Variants in CHRNB3 observed in about 807,000 individuals in gnomAD.
CHRNB3 encodes the protein cholinergic receptor nicotinic beta 3 subunit.
Under a neutral mutation model 40.6 loss-of-function variants are expected in CHRNB3, and 37 were observed. The observed-to-expected ratio is 0.91, with a 90% CI of 0.70 to 1.20. CHRNB3 has a LOEUF of 1.20. CHRNB3 is among the 50% of genes most tolerant of loss of function. The probability of loss-of-function intolerance (pLI) is 0.00; values close to 1 mark genes in which losing one functional copy is unlikely to be tolerated. For synonymous variants in CHRNB3, 207 were observed against 207.1 expected, an observed-to-expected ratio of 1.00 and a Z score of 0.00; for missense variants, 505 against 551.2, an observed-to-expected ratio of 0.92 and a Z score of 0.84.
intron 1 of CHRNB3, among the ~76,000 whole-genome samples, chr8:42,702,893 T>C (rs1028874781): frequency 6.6e-6 from 1 of 152,134 alleles, no homozygotes; most frequent in African/African-American, 2.4e-5. Flanking sequence ...GTATATCGAA[T>C]TGAATTTTTG....
At chr8:42,707,835 C>T (rs1334906605) in intron 1 of CHRNB3, among the ~76,000 whole-genome samples, 2 of 152,366 alleles carry the variant, frequency 1.3e-5, no homozygotes, top group East Asian at 1.9e-4. Context: ...CATGTGCCGA[C>T]TCTGACATCT....
Position 42,736,737 on chromosome 8 carries a change from T to C in CHRNB3, c.*119T>C. The stretch of plus-strand genomic sequence containing the variant: ...CCCGAATGCGTTGTCTTTGTGGAAA[T>C]GGAACATCTCCTCATGGGAGAAACT... On this transcript the variant is annotated 3_prime_UTR_variant, in exon 6 of 6. Transcript: ENST00000289957. 4 of 1,197,248 alleles carry C rather than the reference T, an allele frequency of 3.3e-6. No individual in the cohort carries two copies. The South Asian group carries it at 5.5e-5, about 17-fold the overall frequency. The allele number at this position is 1,197,248 out of a possible 1,614,324, so 74.2% of individuals were successfully genotyped here. A position where few individuals can be genotyped will look rare whatever the true frequency, so the allele number is the denominator to read the frequency against.
At chr8:42,723,463 A>G (rs1047459859) in intron 3 of CHRNB3, among the ~76,000 whole-genome samples, 58 of 152,170 alleles carry the variant, frequency 3.8e-4, no homozygotes, top group African/African-American at 1.4e-3. Context: ...AAAGCTTTCT[A>G]GAAACAAATG....
chr8:42,698,565 T>A (rs1246896854), intron 1 of CHRNB3, among the ~76,000 whole-genome samples: 1 of 152,190 alleles, frequency 6.6e-6, no homozygotes, highest in African/African-American at 2.4e-5. Context: ...CTGAACATTA[T>A]CCTGTTGTCA....
chr8:42,723,810 T>C (rs988908035), intron 3 of CHRNB3, among the ~76,000 whole-genome samples: 3 of 152,146 alleles, frequency 2.0e-5, no homozygotes, highest in African/African-American at 7.2e-5. Context: ...TTTAGTCCGG[T>C]TGTGGTGGCT....
intron 3 of CHRNB3, among the ~76,000 whole-genome samples, chr8:42,723,333 G>GT (rs879353675): frequency 5.3e-5 from 8 of 151,636 alleles, no homozygotes; most frequent in African/African-American, 1.5e-4. Flanking sequence ...TTCTATCATT[G>GT]TTTTTTTTGT....
At position 42,725,812 on chromosome 8, in the gene CHRNB3, T is replaced by C. The variant is rs1446079325; in HGVS notation, c.250-4782T>C. Reference sequence around the variant, plus strand: ...GACAGACTTCAGATTTGGAAATCCCTAGGTCACATAAGTTTCCACTATACG... The same window carrying C: ...GACAGACTTCAGATTTGGAAATCCCCAGGTCACATAAGTTTCCACTATACG... On this transcript the variant is annotated intron_variant, in intron 3 of 5. Coordinates refer to ENST00000289957, the MANE Select transcript of CHRNB3 (RefSeq NM_000749.5). 32 of 853,738 alleles carry C rather than the reference T, an allele frequency of 3.7e-5. 1 individual carries two copies. The African/African-American group carries it at 4.0e-4, about 11-fold the overall frequency. 52.9% of individuals were successfully genotyped at this position (853,738 alleles called of 1,614,324 possible).
intron 1 of CHRNB3, among the ~76,000 whole-genome samples, chr8:42,701,011 T>C (rs139840204): frequency 0.011 from 1,709 of 151,522 alleles, 37 homozygotes; most frequent in African/African-American, 0.04. Flanking sequence ...ATGCAGATCA[T>C]GAAGTCAGGA....
chr8:42,702,075 G>A (rs978953704), intron 1 of CHRNB3, among the ~76,000 whole-genome samples: 1 of 152,048 alleles, frequency 6.6e-6, no homozygotes, highest in Non-Finnish European at 1.5e-5. Context: ...CTTCGGAAAG[G>A]GAATCAGCCT....
At chr8:42,723,332 TG>T (rs1816252920) in intron 3 of CHRNB3, among the ~76,000 whole-genome samples, 1 of 152,166 alleles carries the variant, frequency 6.6e-6, no homozygotes, top group African/African-American at 2.4e-5. Context: ...GTTCTATCAT[TG>T]TTTTTTTTGT....
chr8:42,703,435 A>AAAAAAAAAAATAT lies in CHRNB3; in HGVS notation c.53-5281_53-5280insAAAAAAAAATATA. Among the ~76,000 whole-genome samples the AAAAAAAAAAATAT allele has an allele frequency of 5.5e-4, 26 of 47,402 alleles. 5 individuals are homozygous for AAAAAAAAAAATAT. The East Asian group carries it at 6.8e-3, about 12-fold the overall frequency. 31.1% of individuals were successfully genotyped at this position (47,402 alleles called of 152,430 possible). A position where few individuals can be genotyped will look rare whatever the true frequency, so the allele number is the denominator to read the frequency against. On this transcript the variant is annotated intron_variant, in intron 1 of 5. Coordinates refer to ENST00000289957, the MANE Select transcript of CHRNB3 (RefSeq NM_000749.5). ...CAAGACTTCGTCTAAAAAAAAAAAA[A>AAAAAAAAAAATAT]ATATTTATATATATATATATATATA...
chr8:42,710,290 C>T lies in CHRNB3; in HGVS notation c.205-100C>T, dbSNP rs1033468302. The T allele has an allele frequency of 7.6e-6, 7 of 925,696 alleles. No homozygotes were observed. In the East Asian group the frequency reaches 1.9e-4, roughly 25 times the overall value. 57.3% of individuals were successfully genotyped at this position (925,696 alleles called of 1,614,324 possible). On this transcript the variant is annotated intron_variant, in intron 2 of 5. Coordinates refer to ENST00000289957, the MANE Select transcript of CHRNB3 (RefSeq NM_000749.5). ...CTATGGTGGCACCACTGCACTCCAG[C>T]CTGGGCAACATCTTGAGATCCCATT...
chr8:42,700,571 C>T (rs956997463), intron 1 of CHRNB3, among the ~76,000 whole-genome samples: 3 of 152,108 alleles, frequency 2.0e-5, no homozygotes, highest in Admixed American at 6.5e-5. Flanking sequence ...CCACCCGCTC[C>T]GGCCTCCCAA....
chr8:42,723,341 TG>T, intron 3 of CHRNB3, among the ~76,000 whole-genome samples: 1 of 152,306 alleles, frequency 6.6e-6, no homozygotes, highest in African/African-American at 2.4e-5. Flanking sequence ...TTGTTTTTTT[TG>T]TTTTCTCTCT....
intron 5 of CHRNB3, among the ~76,000 whole-genome samples, chr8:42,733,353 G>C (rs1211239342): frequency 6.6e-6 from 1 of 151,996 alleles, no homozygotes; most frequent in East Asian, 1.9e-4. Flanking sequence ...CGTGGGAAGA[G>C]TGTGAATTTC....
intron 3 of CHRNB3, among the ~76,000 whole-genome samples, chr8:42,727,351 C>T (rs561000292): frequency 2.3e-5 from 3 of 130,558 alleles, no homozygotes; most frequent in Admixed American, 8.9e-5. Context: ...CCAGCCTGGG[C>T]GATAGAGTGA....
At chr8:42,730,226 C>A (rs1272213485) in intron 3 of CHRNB3, among the ~76,000 whole-genome samples, 2 of 152,152 alleles carry the variant, frequency 1.3e-5, no homozygotes, top group African/African-American at 4.8e-5. Flanking sequence ...ACTGGACCCA[C>A]CCTCCTAGAA....
chr8:42,700,462 C>T (rs117150620), intron 1 of CHRNB3, among the ~76,000 whole-genome samples: 2,608 of 152,066 alleles, frequency 0.017, 31 homozygotes, highest in Non-Finnish European at 0.023. Context: ...GCTGAGATTA[C>T]GGGTGCCCAC....
At chr8:42,728,563 A>G (rs952233169) in intron 3 of CHRNB3, among the ~76,000 whole-genome samples, 4 of 152,130 alleles carry the variant, frequency 2.6e-5, no homozygotes, top group African/African-American at 4.8e-5. Context: ...AAAAACAAAC[A>G]TGAAGAATCT....
Sources: allele counts gnomAD v4.1 joint callset (sites outside exome capture counted in the v4.1 genomes callset), GRCh38; gene constraint gnomAD v4.1.1; transcripts MANE v1.5; gene names NCBI Gene and HGNC (gene_info 2026-07-23, HGNC 2026-07-21).